The following CCDC6 variants were observed in gnomAD, a reference collection of about 807,000 sequenced individuals.
CCDC6 encodes coiled-coil domain-containing protein 6.
Under a neutral mutation model 56.6 loss-of-function variants are expected in CCDC6, and 20 were observed. That is an observed-to-expected ratio of 0.35 (90% CI 0.25 to 0.51). The LOEUF (loss-of-function observed/expected upper bound fraction) is 0.51. CCDC6 is among the 20% of genes least tolerant of loss of function. The pLI is 0.95. For synonymous variants in CCDC6, 241 were observed against 234.4 expected, an observed-to-expected ratio of 1.03 and a Z score of -0.26; for missense variants, 367 against 601.1, an observed-to-expected ratio of 0.61 and a Z score of 4.07.
chr10:59,871,544 T>G (rs1018356291), intron 1 of CCDC6, among the ~76,000 whole-genome samples: 1 of 148,580 alleles, frequency 6.7e-6, no homozygotes, highest in Non-Finnish European at 1.5e-5. Flanking sequence ...CTGGGTCAGC[T>G]CTGAGGGATG....
At chr10:59,859,256 CATGTT>C in intron 1 of CCDC6, among the ~76,000 whole-genome samples, 1 of 149,076 alleles carries the variant, frequency 6.7e-6, no homozygotes, top group Admixed American at 6.7e-5. Flanking sequence ...AAAAGAATCT[CATGTT>C]GTGTTCTAAA....
chr10:59,816,936 G>C (rs2070714092), intron 3 of CCDC6, among the ~76,000 whole-genome samples: 2 of 152,172 alleles, frequency 1.3e-5, no homozygotes. Context: ...TTGCATGGCA[G>C]AATTTGATTC....
Position 59,906,227 on chromosome 10 carries a change from C to T in CCDC6, c.198G>A (p.Leu66=). Residue 66 remains leucine (L), a synonymous_variant, in exon 1 of 9, where the codon CTG becomes CTA. Transcript: ENST00000263102. ...TCTTCAGCACCTTGTTCTCTTGCTG[C>T]AGCGAGGCCAGGCGGTTGGTGAGCT... ...LEELTNRLAS[L]QQENKVLKIE... 1.2e-6 allele frequency: 2 copies of T among 1,613,642 alleles called. No individual in the cohort carries two copies. The highest frequency in any genetic ancestry group is 1.7e-6 in the Non-Finnish European group (2 of 1,179,820).
intron 1 of CCDC6, among the ~76,000 whole-genome samples, chr10:59,856,299 T>C (rs920268019): frequency 7.0e-6 from 1 of 142,852 alleles, no homozygotes; most frequent in African/African-American, 2.7e-5. Flanking sequence ...AATGAGCATA[T>C]AAACGAGTAC....
intron 1 of CCDC6, among the ~76,000 whole-genome samples, chr10:59,900,040 A>G (rs770660537): frequency 2.6e-5 from 4 of 152,222 alleles, no homozygotes; most frequent in Non-Finnish European, 5.9e-5. Flanking sequence ...AGAAAGAAAC[A>G]AGTACATACA....
At chr10:59,835,366 C>T (rs1308942867) in intron 2 of CCDC6, among the ~76,000 whole-genome samples, 2 of 152,204 alleles carry the variant, frequency 1.3e-5, no homozygotes, top group African/African-American at 2.4e-5. Context: ...GACAGATGGT[C>T]TAACACTGTC....
At chr10:59,810,947 AAAG>A (rs1373345932) in intron 5 of CCDC6, among the ~76,000 whole-genome samples, 3 of 152,188 alleles carry the variant, frequency 2.0e-5, no homozygotes, top group African/African-American at 7.2e-5. Flanking sequence ...ATCAGAGTGA[AAAG>A]AAGATGTAAC....
intron 3 of CCDC6, among the ~76,000 whole-genome samples, chr10:59,823,750 G>C (rs1467176590): frequency 2.0e-5 from 3 of 152,130 alleles, no homozygotes; most frequent in African/African-American, 7.2e-5. Context: ...ACATAGGGAT[G>C]ATGAGTTTAT....
chr10:59,885,656 C>A (rs1193650014), intron 1 of CCDC6, among the ~76,000 whole-genome samples: 1 of 152,182 alleles, frequency 6.6e-6, no homozygotes, highest in Non-Finnish European at 1.5e-5. Flanking sequence ...CCCTGCAGTT[C>A]TGTCGCTTTC....
At chr10:59,890,702 TTTTTTTTC>T (rs1394432049) in intron 1 of CCDC6, among the ~76,000 whole-genome samples, 1 of 151,066 alleles carries the variant, frequency 6.6e-6, no homozygotes, top group Non-Finnish European at 1.5e-5. Flanking sequence ...CAGATTTTTG[TTTTTTTTC>T]TTTTTTATTT....
chr10:59,793,955 C>T (rs887163704), intron 8 of CCDC6, among the ~76,000 whole-genome samples: 1 of 152,152 alleles, frequency 6.6e-6, no homozygotes, highest in Non-Finnish European at 1.5e-5. Context: ...ACTCTACTAG[C>T]TACATTTCTA....
At position 59,807,472 on chromosome 10, in the gene CCDC6, A is replaced by G. The variant is rs111263184; in HGVS notation, c.848-394T>C. 1.6e-3 allele frequency among the ~76,000 whole-genome samples: 250 copies of G among 152,340 alleles called. 1 individual carries two copies. Among genetic ancestry groups the G allele is most frequent in the African/African-American group, 5.4e-3 (225 of 41,576 alleles). ...GCACTTCAGCCTGGGCAACACAGCA[A>G]GACTCTGTCTCAAAAAACAAAGAAA... On this transcript the variant is annotated intron_variant, in intron 5 of 8. Coordinates refer to ENST00000263102, the MANE Select transcript of CCDC6 (RefSeq NM_005436.5).
chr10:59,843,744 A>C (rs1443513810), intron 2 of CCDC6, among the ~76,000 whole-genome samples: 2 of 152,320 alleles, frequency 1.3e-5, no homozygotes, highest in African/African-American at 4.8e-5. Flanking sequence ...TAAGCACCAT[A>C]AGTCTGGGTT....
In CCDC6 at chr10:59,847,145, T is replaced by C. The variant is rs1358972855; in HGVS notation, c.453+5408A>G. On this transcript the variant is annotated intron_variant, in intron 2 of 8. Coordinates refer to ENST00000263102, the MANE Select transcript of CCDC6 (RefSeq NM_005436.5). ...TCGGCTCACCACAAGGTCCGCCTCC[T>C]GGGTTCACGCCATTCTCCTGCCTCA... 7.9e-5 allele frequency among the ~76,000 whole-genome samples: 12 copies of C among 152,006 alleles called. No individual in the cohort carries two copies. In the East Asian group the frequency reaches 1.5e-3, roughly 20 times the overall value.
intron 8 of CCDC6, among the ~76,000 whole-genome samples, chr10:59,793,999 A>G (rs1203251551): frequency 6.6e-6 from 1 of 152,174 alleles, no homozygotes; most frequent in East Asian, 1.9e-4. Context: ...TGCCGACTCT[A>G]AAGAAAAAAC....
chr10:59,826,738 T>C (rs193146086), intron 3 of CCDC6, among the ~76,000 whole-genome samples: 39 of 152,278 alleles, frequency 2.6e-4, no homozygotes, highest in Non-Finnish European at 4.6e-4. Flanking sequence ...CATAAATATG[T>C]CCATACCTGA....
At position 59,906,173 on chromosome 10, in the gene CCDC6, G is replaced by A; in HGVS notation, c.252C>T (p.Cys84=). The A allele has an allele frequency of 5.6e-6, 9 of 1,611,636 alleles. No homozygotes were observed. Among genetic ancestry groups the A allele is most frequent in the Non-Finnish European group, 7.6e-6 (9 of 1,179,080 alleles). ...CGCGGTTCTCCTCCTGCAGTGCCTT[G>A]CACTTCAGTTTGTAGGTCTCCAGCT... ...KIELETYKLK[C]KALQEENRDL... is the part of the protein sequence containing the mutation. Residue 84 remains cysteine (C), a synonymous_variant, in exon 1 of 9, where the codon TGC becomes TGT. Coordinates refer to ENST00000263102, the MANE Select transcript of CCDC6 (RefSeq NM_005436.5).
At chr10:59,895,335 T>C (rs931519234) in intron 1 of CCDC6, among the ~76,000 whole-genome samples, 2 of 152,140 alleles carry the variant, frequency 1.3e-5, no homozygotes, top group Non-Finnish European at 2.9e-5. Context: ...GGCCTGTCCC[T>C]AAATTAATTT....
intron 3 of CCDC6, among the ~76,000 whole-genome samples, chr10:59,826,204 C>T (rs2070786710): frequency 6.6e-6 from 1 of 152,172 alleles, no homozygotes; most frequent in Non-Finnish European, 1.5e-5. Context: ...GATACCAAAA[C>T]CTCCTCTTAC....
Sources: allele counts gnomAD v4.1 joint callset (sites outside exome capture counted in the v4.1 genomes callset), GRCh38; gene constraint gnomAD v4.1.1; transcripts MANE v1.5; gene names NCBI Gene and HGNC (gene_info 2026-07-23, HGNC 2026-07-21).